ADGRB1: variants seen among roughly 807,000 people sequenced by gnomAD.
The protein encoded by ADGRB1 is adhesion G protein-coupled receptor B1.
ADGRB1 carries 36 observed loss-of-function variants against 175.7 expected under a neutral mutation model. The ratio of observed to expected loss-of-function variants is 0.20; its 90% CI spans 0.16 to 0.27. The LOEUF (loss-of-function observed/expected upper bound fraction) is 0.27, where lower values mean the gene tolerates loss of function less well. Ranked by LOEUF, ADGRB1 falls within the 10% of genes least tolerant of loss-of-function variation. ADGRB1 has a pLI of 1.00. For synonymous variants in ADGRB1, 1,054 were observed against 979.4 expected (o/e 1.08, Z -1.42); for missense variants, 1,731 against 2,255.3 (o/e 0.77, Z 4.71).
intron 1 of ADGRB1, among the ~76,000 whole-genome samples, chr8:142,458,435 A>G (rs1296386120): frequency 6.6e-6 from 1 of 152,164 alleles, no homozygotes; most frequent in African/African-American, 2.4e-5. Context: ...TGCCCACCTC[A>G]TGCAGAAGCT....
chr8:142,502,288 G>A (rs1284418585), intron 17 of ADGRB1, among the ~76,000 whole-genome samples: 8 of 149,944 alleles, frequency 5.3e-5, no homozygotes, highest in African/African-American at 1.2e-4. Context: ...TGATTGTGTG[G>A]TTTTGATTAT....
intron 3 of ADGRB1, among the ~76,000 whole-genome samples, 199 bp from the exon 4 acceptor site, chr8:142,476,386 A>G (rs1587288970): frequency 6.6e-6 from 1 of 152,202 alleles, no homozygotes; most frequent in South Asian, 2.1e-4. Context: ...GGCGCGGGGT[A>G]TGGGAGACAG....
chr8:142,513,256 G>A (rs1002076538), intron 18 of ADGRB1, among the ~76,000 whole-genome samples: 1 of 152,192 alleles, frequency 6.6e-6, no homozygotes, highest in African/African-American at 2.4e-5. Flanking sequence ...GAGGGCGGTT[G>A]GCTCTGCCGC....
chr8:142,488,267 A>C (rs764504777), intron 13 of ADGRB1, 97 bp from the exon 14 acceptor site: 130 of 1,510,482 alleles, frequency 8.6e-5, no homozygotes, highest in Non-Finnish European at 1.1e-4. Context: ...ATCAGCCTGC[A>C]CTGCCAGGCC....
intron 17 of ADGRB1, among the ~76,000 whole-genome samples, chr8:142,500,040 G>A (rs920739508): frequency 6.6e-6 from 1 of 152,118 alleles, no homozygotes; most frequent in African/African-American, 2.4e-5. Context: ...TGGCTCCTGG[G>A]CCATGTCTGA....
chr8:142,516,506 G>C (rs1427310980), intron 18 of ADGRB1, among the ~76,000 whole-genome samples: 1 of 145,204 alleles, frequency 6.9e-6, no homozygotes, highest in East Asian at 2.1e-4. Context: ...CGGGCCCCAG[G>C]TGCGTGCGTG....
intron 1 of ADGRB1, among the ~76,000 whole-genome samples, chr8:142,452,925 C>T (rs961472701): frequency 6.8e-6 from 1 of 147,812 alleles, no homozygotes; most frequent in Non-Finnish European, 1.5e-5. Context: ...GAGAGGGCGC[C>T]CGCACCGCGC....
intron 27 of ADGRB1, among the ~76,000 whole-genome samples, chr8:142,540,742 C>G (rs560202274): frequency 1.3e-5 from 2 of 151,288 alleles, no homozygotes; most frequent in Admixed American, 6.6e-5. Flanking sequence ...ACGTGCGTCC[C>G]GAGAGTGCTG....
chr8:142,462,045 C>A (rs1423744164), intron 1 of ADGRB1, among the ~76,000 whole-genome samples: 1 of 152,136 alleles, frequency 6.6e-6, no homozygotes, highest in East Asian at 1.9e-4. Flanking sequence ...CTTTTCCATG[C>A]CTTGTCCAAG....
rs1323770816 is a variant in ADGRB1, at chr8:142,511,204, G to GTGGCC, written c.2817+137_2817+141dup. ...GGGGTCGCTGTGGCCCGCAGCCGCC[G>GTGGCC]TGGCCTGGCCCGGCCGGCGGGGTCC... On this transcript the variant is annotated intron_variant, in intron 18 of 30. Coordinates refer to ENST00000517894, the MANE Select transcript of ADGRB1 (RefSeq NM_001702.3). This position sits in a 1 kb window ranked among gnomAD's most constrained non-coding sequence, Gnocchi z 4.5. 5.1e-6 allele frequency: 4 copies of GTGGCC among 785,576 alleles called. No homozygotes were observed. The African/African-American group carries it at 7.5e-5, about 15-fold the overall frequency. 48.7% of individuals were successfully genotyped at this position (785,576 alleles called of 1,614,324 possible).
At chr8:142,529,064 T>C (rs1207791075) in intron 24 of ADGRB1, among the ~76,000 whole-genome samples, 1 of 152,220 alleles carries the variant, frequency 6.6e-6, no homozygotes, top group African/African-American at 2.4e-5. Context: ...GGCTGATGCC[T>C]GGGCAGGGGT....
In ADGRB1 at chr8:142,449,799, C is replaced by A. The variant is rs888039987; in HGVS notation, c.-525C>A. 14 of 146,538 alleles carry A rather than the reference C, an allele frequency of 9.6e-5. No homozygotes were observed. Among genetic ancestry groups the A allele is most frequent in the Non-Finnish European group, 2.0e-4 (13 of 65,618 alleles). The allele number at this position is 146,538 out of a possible 1,614,324, so 9.1% of individuals were successfully genotyped here. On this transcript the variant is annotated 5_prime_UTR_variant, in exon 1 of 31. Transcript: ENST00000517894. ...GAGCCGGGAGCACAGGCGGCCGCGC[C>A]GCGTCCTGGCCCGGCCCGGGCCCGC...
chr8:142,526,506 C>G, intron 23 of ADGRB1, 36 bp from the exon 24 acceptor site: 1 of 1,258,052 alleles, frequency 7.9e-7, no homozygotes, highest in Non-Finnish European at 1.1e-6. Flanking sequence ...TACGGCGGCC[C>G]CCACCCCCAC....
chr8:142,533,708 A>C (rs925371553), intron 25 of ADGRB1, among the ~76,000 whole-genome samples: 7 of 152,098 alleles, frequency 4.6e-5, no homozygotes, highest in Non-Finnish European at 1.0e-4. Context: ...CTGCGCCCGC[A>C]CTGGCTTGGG....
rs1360276667 is a variant in ADGRB1 at position 142,492,901 on chromosome 8, G to A, written c.2675+2086G>A. 6.6e-6 allele frequency among the ~76,000 whole-genome samples: 1 copy of A among 152,148 alleles called. No individual in the cohort carries two copies. The highest frequency in any genetic ancestry group is 6.5e-5 in the Admixed American group (1 of 15,294). On this transcript the variant is annotated intron_variant, in intron 17 of 30. Coordinates refer to ENST00000517894, the MANE Select transcript of ADGRB1 (RefSeq NM_001702.3). This position sits in a 1 kb window ranked among gnomAD's most constrained non-coding sequence, Gnocchi z 4.4. ...CCACCAGCACAGGCCCCTCCCCACAGTGCAGAAACCCTCCATCCGGGCTGT... is the reference window on the plus strand; with the variant it reads ...CCACCAGCACAGGCCCCTCCCCACAATGCAGAAACCCTCCATCCGGGCTGT...
At chr8:142,479,532 G>T (rs368268957) in intron 8 of ADGRB1, 45 bp downstream of exon 8, 16 of 1,508,252 alleles carry the variant, frequency 1.1e-5, no homozygotes, top group African/African-American at 1.4e-5. Context: ...AGGGCTGATG[G>T]CGATTGGGCG....
At chr8:142,466,630 C>A (rs988763263) in intron 2 of ADGRB1, among the ~76,000 whole-genome samples, 3 of 152,190 alleles carry the variant, frequency 2.0e-5, no homozygotes, top group Non-Finnish European at 4.4e-5. Flanking sequence ...CAAGCCCCCA[C>A]CAGGCAGAGT....
At chr8:142,529,904 G>A (rs954504554) in intron 24 of ADGRB1, among the ~76,000 whole-genome samples, 1 of 151,368 alleles carries the variant, frequency 6.6e-6, no homozygotes, top group Non-Finnish European at 1.5e-5. Context: ...CTGTGTGGAT[G>A]TGTGAGCATG....
intron 23 of ADGRB1, among the ~76,000 whole-genome samples, chr8:142,524,693 C>T (rs1844070021): frequency 6.6e-6 from 1 of 152,168 alleles, no homozygotes; most frequent in Non-Finnish European, 1.5e-5. Context: ...GGCCCCAGAG[C>T]GCCAGATGTG....
Sources: allele counts gnomAD v4.1 joint callset (sites outside exome capture counted in the v4.1 genomes callset), GRCh38; gene constraint gnomAD v4.1.1; non-coding constraint Gnocchi (gnomAD v3.1); transcripts MANE v1.5; gene names NCBI Gene and HGNC (gene_info 2026-07-23, HGNC 2026-07-21).